Variants in GLYR1 observed in about 807,000 individuals in gnomAD.
GLYR1 encodes the protein cytokine-like nuclear factor N-PAC.
GLYR1 carries 21 observed loss-of-function variants against 72.7 expected under a neutral mutation model. The observed-to-expected ratio is 0.29, with a 90% CI of 0.20 to 0.42. GLYR1 has a LOEUF of 0.42. GLYR1 is among the 10% of genes least tolerant of loss of function. The probability of loss-of-function intolerance (pLI) is 1.00; values close to 1 mark genes in which losing one functional copy is unlikely to be tolerated. For missense variants in GLYR1, 594 were observed against 712.1 expected (o/e 0.83, Z 1.89); for synonymous variants, 392 against 270.2 (o/e 1.45, Z -4.42).
At chr16:4,837,092 G>C (rs1437242899) in intron 3 of GLYR1, among the ~76,000 whole-genome samples, 2 of 152,192 alleles carry the variant, frequency 1.3e-5, no homozygotes, top group South Asian at 2.1e-4. Context: ...TTAAAATCTG[G>C]TATTTTCAAA....
chr16:4,832,916 G>T lies in GLYR1; in HGVS notation c.156-4C>A, dbSNP rs1251618777. ...CTGTTCCACTTTGATCCAGGCACTA[G>T]CAGAAAACAAACACAAAAAGGGTGT... On this transcript the variant is annotated splice_region_variant and splice_polypyrimidine_tract_variant and intron_variant, in intron 3 of 15. Coordinates refer to ENST00000321919, the MANE Select transcript of GLYR1 (RefSeq NM_032569.4). 1.2e-6 allele frequency: 2 copies of T among 1,607,758 alleles called. No homozygotes were observed. Among genetic ancestry groups the T allele is most frequent in the African/African-American group, 2.7e-5 (2 of 74,728 alleles).
chr16:4,839,812 A>G (rs1210120602), intron 3 of GLYR1: 2 of 152,232 alleles, frequency 1.3e-5, no homozygotes, highest in African/African-American at 4.8e-5. Flanking sequence ...TCTTTAATAA[A>G]AGACCTTGCA....
chr16:4,812,235 C>T lies in GLYR1; in HGVS notation c.1133G>A (p.Arg378Lys), dbSNP rs775002454. The T allele has an allele frequency of 6.2e-7, 1 of 1,613,082 alleles. No individual in the cohort carries two copies. The highest frequency in any genetic ancestry group is 8.5e-7 in the Non-Finnish European group (1 of 1,179,800). ...GGGGGCTTCCAGAAAGCGCCCCCCC[C>T]TGGACACAATCACCTGGAAAGAAAA... is the stretch of plus-strand genomic sequence containing the variant. ...VTELAQVIVS[R>K]GGRFLEAPVS... Residue 378 changes from arginine to lysine, a missense_variant, in exon 13 of 16, where the codon AGG becomes AAG. Transcript: ENST00000321919.
At chr16:4,837,458 G>A (rs1596393889) in intron 3 of GLYR1, among the ~76,000 whole-genome samples, 1 of 151,832 alleles carries the variant, frequency 6.6e-6, no homozygotes, top group Non-Finnish European at 1.5e-5. Context: ...AATCATACAT[G>A]TAGATACTGT....
intron 9 of GLYR1, among the ~76,000 whole-genome samples, chr16:4,820,733 C>T (rs1196445420): frequency 6.6e-6 from 1 of 152,202 alleles, no homozygotes; most frequent in Non-Finnish European, 1.5e-5. Flanking sequence ...AACGTGTTTT[C>T]CTAGAAAAGG....
chr16:4,814,813 C>T (rs1218641543), intron 10 of GLYR1, among the ~76,000 whole-genome samples, 166 bp from the exon 11 acceptor site: 3 of 152,202 alleles, frequency 2.0e-5, no homozygotes, highest in South Asian at 4.1e-4. Flanking sequence ...GGGAAGTGCA[C>T]GGGGCCTTTT....
At chr16:4,839,728 T>C (rs1442004316) in intron 3 of GLYR1, 1 of 152,180 alleles carries the variant, frequency 6.6e-6, no homozygotes, top group African/African-American at 2.4e-5. Context: ...GGCAGAGATG[T>C]GGAGAGAGAA....
intron 5 of GLYR1, among the ~76,000 whole-genome samples, chr16:4,829,887 G>A (rs1237013233): frequency 6.6e-6 from 1 of 152,060 alleles, no homozygotes; most frequent in Admixed American, 6.6e-5. Flanking sequence ...TGGTCAGGCT[G>A]GTCTCGAACT....
chr16:4,811,894 T>C, intron 13 of GLYR1, 92 bp from the exon 14 acceptor site: 1 of 1,468,550 alleles, frequency 6.8e-7, no homozygotes, highest in South Asian at 1.3e-5. Context: ...CCCACCTCTC[T>C]CCAGGGGAGG....
intron 5 of GLYR1, among the ~76,000 whole-genome samples, chr16:4,830,064 A>G (rs1021694958): frequency 2.0e-5 from 3 of 152,076 alleles, no homozygotes; most frequent in African/African-American, 7.2e-5. Flanking sequence ...CTGGCCTCCC[A>G]AAGTGCTAGG....
rs542799275 is a variant in GLYR1, at chr16:4,826,542, C to G, written c.538-2635G>C. Among the ~76,000 whole-genome samples, 18 of 152,360 alleles carry G rather than the reference C, an allele frequency of 1.2e-4. 1 individual carries two copies. The South Asian group carries it at 3.7e-3, about 32-fold the overall frequency. The stretch of plus-strand genomic sequence containing the variant: ...TCAATTCTTACTGAAGGAGCCTCGT[C>G]TGACTTTTATGCTGCTTTCTCTCCA... On this transcript the variant is annotated intron_variant, in intron 5 of 15. Transcript: ENST00000321919.
chr16:4,805,334 G>C, intron 15 of GLYR1, 24 bp from the exon 16 acceptor site: 1 of 1,602,200 alleles, frequency 6.2e-7, no homozygotes, highest in South Asian at 1.1e-5. Context: ...AGATGGCTCA[G>C]TCTCTGGCCC....
intron 3 of GLYR1, among the ~76,000 whole-genome samples, chr16:4,841,741 A>T (rs2085570003): frequency 6.6e-6 from 1 of 152,146 alleles, no homozygotes; most frequent in African/African-American, 2.4e-5. Flanking sequence ...TTTGTTTCAG[A>T]CTTGTGTAAT....
chr16:4,813,591 G>C (rs527762447), intron 12 of GLYR1, 146 bp downstream of exon 12: 3 of 703,736 alleles, frequency 4.3e-6, no homozygotes, highest in African/African-American at 3.5e-5. Context: ...GTGGAGCACG[G>C]GATAGGCTAG....
chr16:4,821,716 C>G (rs1195147482), intron 7 of GLYR1, 119 bp from the exon 8 acceptor site: 1 of 870,712 alleles, frequency 1.1e-6, no homozygotes. Flanking sequence ...TTGTTTTATA[C>G]TTTAGTGAAC....
intron 5 of GLYR1, among the ~76,000 whole-genome samples, chr16:4,824,176 A>G (rs539767656): frequency 4.6e-5 from 7 of 152,366 alleles, no homozygotes; most frequent in African/African-American, 1.7e-4. Flanking sequence ...TACTGTCTGC[A>G]AAGTTTCAGA....
intron 10 of GLYR1, among the ~76,000 whole-genome samples, chr16:4,815,112 C>T (rs919948350): frequency 6.9e-6 from 1 of 144,920 alleles, no homozygotes; most frequent in African/African-American, 2.5e-5. Context: ...ACCATTTTGG[C>T]TTTTTTTTTT....
At chr16:4,837,610 A>G (rs989556751) in intron 3 of GLYR1, among the ~76,000 whole-genome samples, 1 of 151,960 alleles carries the variant, frequency 6.6e-6, no homozygotes, top group Non-Finnish European at 1.5e-5. Context: ...TGGCAGGGGG[A>G]GGGAGACAGA....
chr16:4,832,717 T>C, intron 4 of GLYR1, 57 bp downstream of exon 4: 1 of 1,543,266 alleles, frequency 6.5e-7, no homozygotes, highest in Non-Finnish European at 8.8e-7. Context: ...ATCTGTTAGT[T>C]GCTATGCAAA....
Sources: allele counts gnomAD v4.1 joint callset (sites outside exome capture counted in the v4.1 genomes callset), GRCh38; gene constraint gnomAD v4.1.1; transcripts MANE v1.5; gene names NCBI Gene and HGNC (gene_info 2026-07-23, HGNC 2026-07-21).